S1PR2: variants seen among roughly 807,000 people sequenced by gnomAD.
S1PR2 encodes sphingosine 1-phosphate receptor 2.
Under a neutral mutation model 16.1 loss-of-function variants are expected in S1PR2, and 9 were observed. That is an observed-to-expected ratio of 0.56 (90% CI 0.34 to 0.98). The LOEUF is 0.98. Ranked by LOEUF, S1PR2 falls within the 50% of genes least tolerant of loss-of-function variation. The pLI is 0.02. For missense variants in S1PR2, 361 were observed against 488.4 expected (o/e 0.74, Z 2.46); for synonymous variants, 224 against 233.9 (o/e 0.96, Z 0.38).
Position 10,224,889 on chromosome 19 carries a change from G to C in S1PR2, c.17C>G (p.Ser6Trp). 2 of 1,609,756 alleles carry C rather than the reference G, an allele frequency of 1.2e-6. No homozygotes were observed. Among genetic ancestry groups the C allele is most frequent in the Non-Finnish European group, 1.7e-6 (2 of 1,179,120 alleles). The change falls in exon 2 of 2, where the codon TCG (serine) becomes TGG (tryptophan). Residue 6 changes from serine to tryptophan, a missense_variant. Coordinates refer to ENST00000646641, the MANE Select transcript of S1PR2 (RefSeq NM_004230.4). MGSLY[S>W]EYLNPNKVQE... ...GACCTTGTTGGGGTTCAGGTACTCC[G>C]AGTACAAGCTGCCCATGGTGGGGCT...
In S1PR2 at chr19:10,224,906, G is replaced by T. The variant is rs755288880; in HGVS notation, c.-1C>A. 1.9e-6 allele frequency: 3 copies of T among 1,605,294 alleles called. No homozygotes were observed. The highest frequency in any genetic ancestry group is 2.5e-6 in the Non-Finnish European group (3 of 1,177,858). On this transcript the variant is annotated 5_prime_UTR_variant, in exon 2 of 2. Transcript: ENST00000646641. ...GGTACTCCGAGTACAAGCTGCCCAT[G>T]GTGGGGCTCAGAGGCCTGCTGGGGC...
intron 1 of S1PR2, 109 bp from the exon 2 acceptor site, chr19:10,225,056 G>A (rs762914426): frequency 1.6e-6 from 1 of 619,810 alleles, no homozygotes; most frequent in Non-Finnish European, 2.8e-6. Flanking sequence ...GTTACTCTTC[G>A]AGGAAGGGCC....
rs2039613468 is a variant in S1PR2, at chr19:10,224,135, A to G, written c.771T>C (p.Tyr257=). The G allele has an allele frequency of 1.2e-6, 2 of 1,605,282 alleles. No individual in the cohort carries two copies. The highest frequency in any genetic ancestry group is 1.7e-4 in the Middle Eastern group (1 of 6,060). ...TCGGGCAGGAGTGGACGGGACAGGC[A>G]TAGTCCAGAAGGAGGATGCTGAAGG... The part of the protein sequence containing the change: ...LPAFSILLLD[Y]ACPVHSCPIL... The change falls in exon 2 of 2, where the codon TAT becomes TAC. Residue 257 remains tyrosine, a synonymous_variant. Coordinates refer to ENST00000646641, the MANE Select transcript of S1PR2 (RefSeq NM_004230.4).
At chr19:10,230,803 A>G (rs2039671030) in intron 1 of S1PR2, among the ~76,000 whole-genome samples, 1 of 152,260 alleles carries the variant, frequency 6.6e-6, no homozygotes, top group Non-Finnish European at 1.5e-5. Flanking sequence ...CTTGGCTTGG[A>G]GGCTCCACGG....
intron 1 of S1PR2, among the ~76,000 whole-genome samples, chr19:10,226,384 C>T (rs183545249): frequency 6.0e-4 from 92 of 152,340 alleles, no homozygotes; most frequent in African/African-American, 2.2e-3. Flanking sequence ...GGGCAAGTCC[C>T]TAGACGCTGT....
intron 1 of S1PR2, among the ~76,000 whole-genome samples, chr19:10,228,013 T>A (rs930927970): frequency 6.6e-6 from 1 of 151,742 alleles, no homozygotes; most frequent in East Asian, 1.9e-4. Flanking sequence ...ATAAGAAATG[T>A]GTTTAGGCCG....
chr19:10,227,513 G>T (rs1374278714), intron 1 of S1PR2, among the ~76,000 whole-genome samples: 1 of 152,184 alleles, frequency 6.6e-6, no homozygotes, highest in Non-Finnish European at 1.5e-5. Context: ...CTTGCTGGAC[G>T]CAGCCCCGGG....
intron 1 of S1PR2, chr19:10,230,482 G>C: frequency 6.5e-6 from 1 of 154,692 alleles, no homozygotes; most frequent in Non-Finnish European, 1.5e-5. Flanking sequence ...GGGGCCCGGA[G>C]CATCTGACAA....
Position 10,224,077 on chromosome 19 carries a change from A to G in S1PR2, c.829T>C (p.Ser277Pro), listed in dbSNP as rs748496507. Residue 277 changes from serine (S) to proline (P), a missense_variant, in exon 2 of 2, where the codon TCC becomes CCC. Transcript: ENST00000646641. ...GGGTTGAGCAGGGAATTCAGGGTGG[A>G]GACGGCGAAAAAGTAGTGGGCTTTG... Reference protein sequence around the residue: ...LYKAHYFFAVSTLNSLLNPVI... With the variant: ...LYKAHYFFAVPTLNSLLNPVI... The G allele has an allele frequency of 3.1e-6, 5 of 1,607,422 alleles. No homozygotes were observed. The highest frequency in any genetic ancestry group is 1.6e-4 in the Middle Eastern group (1 of 6,062).
chr19:10,230,743 A>G (rs1568277331), intron 1 of S1PR2, among the ~76,000 whole-genome samples: 1 of 152,268 alleles, frequency 6.6e-6, no homozygotes, highest in Admixed American at 6.5e-5. Context: ...ACTTGGGGAA[A>G]CCGAGGCAGA....
chr19:10,225,330 CT>C (rs1199703147), intron 1 of S1PR2, among the ~76,000 whole-genome samples: 1 of 151,720 alleles, frequency 6.6e-6, no homozygotes, highest in Admixed American at 6.6e-5. Flanking sequence ...TCAAGTGATC[CT>C]CCCACCTCAG....
chr19:10,230,715 G>T (rs1185905414), intron 1 of S1PR2, among the ~76,000 whole-genome samples: 1 of 152,228 alleles, frequency 6.6e-6, no homozygotes, highest in Non-Finnish European at 1.5e-5. Flanking sequence ...CCCGCCGGGG[G>T]ACCGGAGGAG....
At position 10,225,231 on chromosome 19, in the gene S1PR2, C is replaced by A. The variant is rs547808453; in HGVS notation, c.-42-284G>T. On this transcript the variant is annotated intron_variant, in intron 1 of 1. Coordinates refer to ENST00000646641, the MANE Select transcript of S1PR2 (RefSeq NM_004230.4). ...GCTCTTTCTTATTTATTTTATTTAT[C>A]TATATTTTAAAGACAAGGTCTTGCT... Among the ~76,000 whole-genome samples, 25 of 151,944 alleles carry A rather than the reference C, an allele frequency of 1.6e-4. 1 individual carries two copies. In the South Asian group the frequency reaches 5.2e-3, roughly 32 times the overall value.
intron 1 of S1PR2, chr19:10,230,615 C>T (rs1298863451): frequency 6.5e-5 from 10 of 153,104 alleles, no homozygotes; most frequent in Middle Eastern, 1.2e-3. Context: ...CGCGCCTTCA[C>T]CCACGACCCA....
chr19:10,223,912 T>C lies in S1PR2; in HGVS notation c.994A>G (p.Ser332Gly). Residue 332 changes from serine (S) to glycine (G), a missense_variant, in exon 2 of 2, where the codon AGC (serine) becomes GGC (glycine). By Grantham distance (56) the Ser-to-Gly change is moderately conservative. Transcript: ENST00000646641. ...ATGTGCATGCCCCTCTCCAGGGAGC[T>C]GGAGCTGCGGAGTGGCAGGAGGTGG... ...GHHLLPLRSS[S>G]SLERGMHMPT... 5.6e-6 allele frequency: 9 copies of C among 1,599,546 alleles called. No individual in the cohort carries two copies. The highest frequency in any genetic ancestry group is 7.7e-6 in the Non-Finnish European group (9 of 1,172,504).
intron 1 of S1PR2, 115 bp downstream of exon 1, chr19:10,231,089 A>C: frequency 6.6e-6 from 1 of 152,550 alleles, no homozygotes; most frequent in East Asian, 1.9e-4. Flanking sequence ...TGCAGCAGGA[A>C]CCCAGGCGGC....
intron 1 of S1PR2, 86 bp from the exon 2 acceptor site, chr19:10,225,033 A>T: frequency 1.4e-6 from 1 of 690,030 alleles, no homozygotes; most frequent in Non-Finnish European, 2.4e-6. Flanking sequence ...GCTGAGATTC[A>T]ATTTCCTGCT....
At chr19:10,225,157 G>C (rs796134604) in intron 1 of S1PR2, among the ~76,000 whole-genome samples, 5 of 152,050 alleles carry the variant, frequency 3.3e-5, no homozygotes, top group Non-Finnish European at 5.9e-5. Context: ...TTTAACCAGC[G>C]GCAGGGCCAG....
intron 1 of S1PR2, among the ~76,000 whole-genome samples, chr19:10,230,913 T>C (rs2145447646): frequency 6.6e-6 from 1 of 151,914 alleles, no homozygotes; most frequent in East Asian, 1.9e-4. Flanking sequence ...GAGCACGGCG[T>C]CCTGCCTCCC....
Sources: allele counts gnomAD v4.1 joint callset (sites outside exome capture counted in the v4.1 genomes callset), GRCh38; gene constraint gnomAD v4.1.1; transcripts MANE v1.5; gene names NCBI Gene and HGNC (gene_info 2026-07-23, HGNC 2026-07-21).